Variants in BMP5 observed in about 807,000 individuals in gnomAD.
The protein encoded by BMP5 is bone morphogenetic protein 5.
BMP5 carries 23 observed loss-of-function variants against 46.6 expected under a neutral mutation model. The observed-to-expected ratio is 0.49, with a 90% confidence interval of 0.35 to 0.70. The LOEUF (loss-of-function observed/expected upper bound fraction) is 0.70, where lower values mean the gene tolerates loss of function less well. BMP5 is among the 30% of genes least tolerant of loss of function. BMP5 has a pLI of 0.00. For missense variants in BMP5, 545 were observed against 565.6 expected (o/e 0.96, Z 0.37); for synonymous variants, 204 against 191.9 (o/e 1.06, Z -0.52).
At chr6:55,776,375 T>C (rs1775171884) in intron 3 of BMP5, among the ~76,000 whole-genome samples, 1 of 151,172 alleles carries the variant, frequency 6.6e-6, no homozygotes, top group African/African-American at 2.4e-5. Context: ...ACATAAACAC[T>C]TTTACAACAT....
chr6:55,792,882 C>G (rs544531301), intron 3 of BMP5, among the ~76,000 whole-genome samples: 19 of 152,226 alleles, frequency 1.2e-4, no homozygotes, highest in African/African-American at 2.9e-4. Flanking sequence ...TCTGTGACAA[C>G]AAGAAGCAGT....
chr6:55,839,613 T>C (rs548153566), intron 1 of BMP5, among the ~76,000 whole-genome samples: 86 of 152,286 alleles, frequency 5.6e-4, no homozygotes, highest in African/African-American at 1.9e-3. Context: ...CCATGCTTGG[T>C]CTGTGAACAA....
At chr6:55,836,378 G>C (rs1435479594) in intron 1 of BMP5, among the ~76,000 whole-genome samples, 2 of 152,000 alleles carry the variant, frequency 1.3e-5, no homozygotes, top group Non-Finnish European at 2.9e-5. Flanking sequence ...AAAGACTAGA[G>C]AGCATATTTT....
chr6:55,833,821 T>C (rs975832197), intron 1 of BMP5, among the ~76,000 whole-genome samples: 2 of 152,156 alleles, frequency 1.3e-5, no homozygotes, highest in African/African-American at 4.8e-5. Flanking sequence ...TGTTCAATCA[T>C]GGAATCCTAA....
intron 1 of BMP5, among the ~76,000 whole-genome samples, chr6:55,823,608 T>C (rs979216102): frequency 3.3e-5 from 5 of 152,080 alleles, no homozygotes; most frequent in Admixed American, 6.6e-5. Context: ...TAAGCCCTCA[T>C]TAACACAGCC....
chr6:55,810,662 C>T (rs1776109630), intron 2 of BMP5, among the ~76,000 whole-genome samples: 1 of 152,134 alleles, frequency 6.6e-6, no homozygotes, highest in Non-Finnish European at 1.5e-5. Context: ...ATTAAATGGT[C>T]AAAGCAAAAT....
chr6:55,836,593 C>A (rs1776797864), intron 1 of BMP5, among the ~76,000 whole-genome samples: 1 of 150,168 alleles, frequency 6.7e-6, no homozygotes, highest in Non-Finnish European at 1.5e-5. Context: ...AACTGCCTAA[C>A]CTCACCCCAC....
At chr6:55,847,657 T>C (rs1354694970) in intron 1 of BMP5, among the ~76,000 whole-genome samples, 2 of 151,930 alleles carry the variant, frequency 1.3e-5, no homozygotes, top group African/African-American at 4.8e-5. Context: ...TTTTTACTTT[T>C]ATGTTAAGTG....
chr6:55,794,104 G>C (rs1242726901), intron 3 of BMP5, among the ~76,000 whole-genome samples, 175 bp downstream of exon 3: 1 of 151,894 alleles, frequency 6.6e-6, no homozygotes, highest in Admixed American at 6.6e-5. Flanking sequence ...AAATGTATTG[G>C]ATAAATGTGT....
At chr6:55,774,349 T>A in intron 3 of BMP5, 106 bp from the exon 4 acceptor site, 1 of 1,043,354 alleles carries the variant, frequency 9.6e-7, no homozygotes, top group Non-Finnish European at 1.5e-6. Flanking sequence ...TTTAAAACAT[T>A]ATCAGAATGC....
intron 5 of BMP5, among the ~76,000 whole-genome samples, chr6:55,759,592 G>C (rs1774715649): frequency 6.6e-6 from 1 of 151,880 alleles, no homozygotes; most frequent in Non-Finnish European, 1.5e-5. Context: ...AGTTTTATAA[G>C]TCTGACAACA....
At chr6:55,805,833 T>C (rs1261792232) in intron 2 of BMP5, among the ~76,000 whole-genome samples, 1 of 152,234 alleles carries the variant, frequency 6.6e-6, no homozygotes, top group Non-Finnish European at 1.5e-5. Context: ...TGTTGAGCTT[T>C]TTTTCATATG....
At chr6:55,821,757 C>T (rs970322685) in intron 1 of BMP5, among the ~76,000 whole-genome samples, 4 of 152,116 alleles carry the variant, frequency 2.6e-5, no homozygotes, top group Admixed American at 6.6e-5. Context: ...GCACACTCCT[C>T]CTTCCTCTCC....
At chr6:55,802,119 T>G in intron 2 of BMP5, among the ~76,000 whole-genome samples, 1 of 152,180 alleles carries the variant, frequency 6.6e-6, no homozygotes, top group East Asian at 1.9e-4. Context: ...TCCTCTCAAC[T>G]CACTATCTAT....
At chr6:55,759,197 T>TAAC (rs1774702831) in intron 5 of BMP5, 82 bp from the exon 6 acceptor site, 1 of 593,292 alleles carries the variant, frequency 1.7e-6, no homozygotes, top group Non-Finnish European at 2.4e-6. Context: ...CAAGAAAAAA[T>TAAC]ATCACCAAAG....
In BMP5 at chr6:55,817,508, C is replaced by A. The variant is rs12180594; in HGVS notation, c.683+2147G>T. ...AGCAAACTATCGCAAGGACAAAAAA[C>A]CAAACACCTCATGTTCTCACTCATA... On this transcript the variant is annotated intron_variant, in intron 2 of 6. Coordinates refer to ENST00000370830, the MANE Select transcript of BMP5 (RefSeq NM_021073.4). Among the ~76,000 whole-genome samples, 894 of 152,060 alleles carry A rather than the reference C, an allele frequency of 5.9e-3. 10 individuals are homozygous for A. The highest frequency in any genetic ancestry group is 0.02 in the African/African-American group (836 of 41,490).
At chr6:55,873,557 A>C (rs1236976292) in intron 1 of BMP5, among the ~76,000 whole-genome samples, 1 of 152,056 alleles carries the variant, frequency 6.6e-6, no homozygotes, top group African/African-American at 2.4e-5. Context: ...CTAAATTATC[A>C]TTTGACATTA....
intron 1 of BMP5, among the ~76,000 whole-genome samples, chr6:55,848,490 G>A (rs541373048): frequency 1.7e-4 from 26 of 151,838 alleles, no homozygotes; most frequent in African/African-American, 3.4e-4. Flanking sequence ...GTCTAGCTAC[G>A]ATATGATAAA....
At chr6:55,860,746 C>G (rs989507322) in intron 1 of BMP5, among the ~76,000 whole-genome samples, 1 of 152,190 alleles carries the variant, frequency 6.6e-6, no homozygotes, top group Non-Finnish European at 1.5e-5. Flanking sequence ...ACTGTACCTA[C>G]TTTTCATAAT....
Sources: allele counts gnomAD v4.1 joint callset (sites outside exome capture counted in the v4.1 genomes callset), GRCh38; gene constraint gnomAD v4.1.1; transcripts MANE v1.5; gene names NCBI Gene and HGNC (gene_info 2026-07-23, HGNC 2026-07-21).